The following PASD1 variants were observed in gnomAD, a reference collection of about 807,000 sequenced individuals.
PASD1 encodes PAS domain containing repressor 1.
A neutral mutation model predicts 58.8 loss-of-function variants in PASD1; 13 were observed. The observed-to-expected ratio is 0.22, with a 90% CI of 0.14 to 0.35. The LOEUF (loss-of-function observed/expected upper bound fraction) is 0.35. Among genes scored for constraint, PASD1 ranks in the 10% least tolerant of loss-of-function variants. The probability of loss-of-function intolerance (pLI) is 1.00; values close to 1 mark genes in which losing one functional copy is unlikely to be tolerated. For missense variants in PASD1, 734 were observed against 568.3 expected, an observed-to-expected ratio of 1.29 and a Z score of -2.96; for synonymous variants, 236 against 216.7, an observed-to-expected ratio of 1.09 and a Z score of -0.78.
At chrX:151,613,903 T>G (rs1036403150) in intron 4 of PASD1, among the ~76,000 whole-genome samples, 1 of 111,550 alleles carries the variant, frequency 9.0e-6, no homozygotes, top group African/African-American at 3.3e-5. Flanking sequence ...GCCAAGAGAT[T>G]TGGTGTCTAG....
intron 9 of PASD1, among the ~76,000 whole-genome samples, chrX:151,654,054 CT>C (rs1236730662): frequency 1.3e-4 from 13 of 102,905 alleles, no homozygotes; most frequent in Admixed American, 1.1e-3. Context: ...ACTGCAACTT[CT>C]GCTTCCCAGG....
intron 9 of PASD1, among the ~76,000 whole-genome samples, chrX:151,653,717 C>T (rs1188328770): frequency 1.0e-5 from 1 of 99,832 alleles, no homozygotes; most frequent in African/African-American, 3.7e-5. Flanking sequence ...TCTTCTTCCC[C>T]TTCCTTCCTT....
At chrX:151,609,933 A>C (rs2013535190) in intron 3 of PASD1, among the ~76,000 whole-genome samples, 1 of 110,582 alleles carries the variant, frequency 9.0e-6, no homozygotes, top group Admixed American at 9.7e-5. Context: ...TACCATCAAT[A>C]GTGCATAGGG....
At chrX:151,664,473 C>T in intron 11 of PASD1, 125 bp downstream of exon 11, 1 of 1,050,471 alleles carries the variant, frequency 9.5e-7, no homozygotes, top group Non-Finnish European at 1.3e-6. Context: ...TTTTTCAAAA[C>T]TATATCACTA....
intron 2 of PASD1, among the ~76,000 whole-genome samples, chrX:151,602,945 G>A (rs1366254629): frequency 8.9e-6 from 1 of 111,982 alleles, no homozygotes; most frequent in Non-Finnish European, 1.9e-5. Flanking sequence ...TCCCTGAGAC[G>A]GTTTGGTCCC....
chrX:151,676,195 A>C lies in PASD1; in HGVS notation c.*52A>C. 1.7e-6 allele frequency: 2 copies of C among 1,143,977 alleles called. No individual in the cohort carries two copies. Among genetic ancestry groups the C allele is most frequent in the Non-Finnish European group, 2.4e-6 (2 of 847,418 alleles). 94.3% of individuals were successfully genotyped at this position (1,143,977 alleles called of 1,213,427 possible). On this transcript the variant is annotated 3_prime_UTR_variant, in exon 16 of 16. Transcript: ENST00000370357. ...GGAAATGGGGGGAGGGGGCAGGCCAATGAGGTCTGCATGGCCAGGGGACCT... is the reference window on the plus strand; with the variant it reads ...GGAAATGGGGGGAGGGGGCAGGCCACTGAGGTCTGCATGGCCAGGGGACCT...
rs2013707572 is a variant in PASD1, at chrX:151,621,421, C to A, written c.308-61C>A. The stretch of plus-strand genomic sequence containing the variant: ...AAAGACATTGGTCATATGAAATAAT[C>A]CAGTAGAATATGGTAAAGTACAAAT... On this transcript the variant is annotated intron_variant, in intron 5 of 15. Transcript: ENST00000370357. 5 of 843,712 alleles carry A rather than the reference C, an allele frequency of 5.9e-6. No individual in the cohort carries two copies. In the South Asian group the frequency reaches 1.3e-4, roughly 22 times the overall value. 69.5% of individuals were successfully genotyped at this position (843,712 alleles called of 1,213,427 possible). A position where few individuals can be genotyped will look rare whatever the true frequency, so the allele number is the denominator to read the frequency against.
intron 3 of PASD1, among the ~76,000 whole-genome samples, chrX:151,606,525 T>C: frequency 9.0e-6 from 1 of 111,349 alleles, no homozygotes; most frequent in South Asian, 3.9e-4. Flanking sequence ...TGTGCTCTCA[T>C]GTAGAGTAGC....
chrX:151,667,324 T>G (rs1476303284), intron 11 of PASD1, among the ~76,000 whole-genome samples: 4 of 111,982 alleles, frequency 3.6e-5, no homozygotes, highest in African/African-American at 1.3e-4. Context: ...TCTCCCATTC[T>G]GTAGGTTGCC....
Position 151,672,234 on chromosome X carries a change from CGGG to C in PASD1, c.1490_1492del (p.Arg497_Glu498delinsGln). On this transcript the variant is annotated inframe_deletion, in exon 14 of 16. Transcript: ENST00000370357. ...CCTGAAGGAGCAGCAGCGGCAGCTG[CGGG>C]AGCAGCTGCAACAGCTGAGAGAGCA... The C allele has an allele frequency of 1.8e-6, 2 of 1,139,362 alleles. No individual in the cohort carries two copies. Among genetic ancestry groups the C allele is most frequent in the African/African-American group, 1.8e-5 (1 of 55,324 alleles). 93.9% of individuals were successfully genotyped at this position (1,139,362 alleles called of 1,213,427 possible). A position where few individuals can be genotyped will look rare whatever the true frequency, so the allele number is the denominator to read the frequency against.
intron 2 of PASD1, 49 bp from the exon 3 acceptor site, chrX:151,604,597 A>G (rs1199126462): frequency 1.1e-6 from 1 of 934,267 alleles, no homozygotes; most frequent in Admixed American, 2.4e-5. Flanking sequence ...CCCATAGCTA[A>G]TCATTTTAAT....
chrX:151,566,081 G>A (rs1369961219), intron 1 of PASD1, among the ~76,000 whole-genome samples: 1 of 112,136 alleles, frequency 8.9e-6, no homozygotes, highest in Admixed American at 9.4e-5. Context: ...TCCTGGTTTT[G>A]GTTTCAACAT....
At chrX:151,653,012 A>G (rs756507935) in intron 9 of PASD1, among the ~76,000 whole-genome samples, 1 of 109,910 alleles carries the variant, frequency 9.1e-6, no homozygotes, top group African/African-American at 3.3e-5. Context: ...AAAGAGTCAC[A>G]GTGTTGAGAA....
intron 9 of PASD1, among the ~76,000 whole-genome samples, chrX:151,658,272 C>G (rs1410830836): frequency 8.9e-6 from 1 of 112,371 alleles, no homozygotes; most frequent in Non-Finnish European, 1.9e-5. Context: ...GCATTTTCAC[C>G]TTAGTCCTAA....
chrX:151,588,629 G>A (rs1466445963), intron 1 of PASD1, among the ~76,000 whole-genome samples: 1 of 111,414 alleles, frequency 9.0e-6, no homozygotes, highest in East Asian at 2.8e-4. Flanking sequence ...ACAAATCGCT[G>A]ATTAGGCCTG....
chrX:151,649,188 G>T (rs1213602359), intron 9 of PASD1, among the ~76,000 whole-genome samples: 1 of 111,845 alleles, frequency 8.9e-6, no homozygotes, highest in East Asian at 2.8e-4. Flanking sequence ...TCTAGACTGG[G>T]ACATAAAACC....
intron 1 of PASD1, among the ~76,000 whole-genome samples, chrX:151,598,547 T>G (rs1346794785): frequency 1.8e-5 from 2 of 111,355 alleles, no homozygotes; most frequent in African/African-American, 6.5e-5. Context: ...GCCTTCCCAT[T>G]TTGTCCTTCA....
chrX:151,604,719 C>T lies in PASD1; in HGVS notation c.102C>T (p.Asn34=). Residue 34 remains asparagine (N), a synonymous_variant, in exon 3 of 16, where the codon AAC becomes AAT. Coordinates refer to ENST00000370357, the MANE Select transcript of PASD1 (RefSeq NM_173493.3). ...CATTTCCTACCTATGATTACTTCAA[C>T]CAAGTGACGCTACAGGTAAGAGGGC... is the stretch of plus-strand genomic sequence containing the variant. ...IPSFPTYDYF[N]QVTLQLLDGF... 5.0e-6 allele frequency: 6 copies of T among 1,202,682 alleles called. No individual in the cohort carries two copies. The highest frequency in any genetic ancestry group is 4.4e-5 in the Admixed American group (2 of 45,916).
intron 1 of PASD1, among the ~76,000 whole-genome samples, chrX:151,579,171 A>C (rs753569386): frequency 1.8e-5 from 2 of 112,222 alleles, no homozygotes; most frequent in Non-Finnish European, 3.8e-5. Flanking sequence ...TTTAATACAT[A>C]ATTTTGAAAA....
Sources: gnomAD v4.1 joint callset for allele counts (sites outside exome capture counted in the v4.1 genomes callset) on GRCh38, gnomAD v4.1.1 for gene constraint, MANE v1.5 for transcripts, NCBI Gene and HGNC (gene_info 2026-07-23, HGNC 2026-07-21) for gene names.